TEX15: variants seen among roughly 807,000 people sequenced by gnomAD.
TEX15 encodes the protein testis expressed 15, meiosis and synapsis associated.
TEX15 carries 171 observed loss-of-function variants against 237.3 expected under a neutral mutation model. That is an observed-to-expected ratio of 0.72 (90% CI 0.64 to 0.82). The LOEUF (loss-of-function observed/expected upper bound fraction) is 0.82. TEX15 is among the 40% of genes least tolerant of loss of function. The pLI, the probability that TEX15 is intolerant of heterozygous loss-of-function variation, is 0.00. For missense variants in TEX15, 3,750 were observed against 3,646.5 expected (o/e 1.03, Z -0.73); for synonymous variants, 1,338 against 1,269.8 (o/e 1.05, Z -1.14).
chr8:30,868,070 C>CAT (rs1808211933), intron 4 of TEX15, among the ~76,000 whole-genome samples: 1 of 152,004 alleles, frequency 6.6e-6, no homozygotes, highest in African/African-American at 2.4e-5. Flanking sequence ...AGCGCACACA[C>CAT]ATGCACAAAT....
intron 5 of TEX15, among the ~76,000 whole-genome samples, chr8:30,866,538 T>C (rs942534398): frequency 6.6e-6 from 1 of 152,164 alleles, no homozygotes; most frequent in Middle Eastern, 3.2e-3. Context: ...TCTCATTTTT[T>C]AAAAATTTAA....
At position 30,851,509 on chromosome 8, in the gene TEX15, T is replaced by C. The variant is rs144997726; in HGVS notation, c.851-2193A>G. The stretch of plus-strand genomic sequence containing the variant: ...AGCCAGACGTGGTGGTGTGTGCCTG[T>C]AGTCCCAGGTACTCGGGAGGCTGAG... On this transcript the variant is annotated intron_variant, in intron 7 of 10. Coordinates refer to ENST00000643185, the MANE Select transcript of TEX15 (RefSeq NM_001350162.2). Among the ~76,000 whole-genome samples the C allele has an allele frequency of 1.5e-3, 232 of 151,644 alleles. 3 individuals are homozygous for C. Among genetic ancestry groups the C allele is most frequent in the Admixed American group, 0.01 (160 of 15,246 alleles).
intron 1 of TEX15, among the ~76,000 whole-genome samples, chr8:30,911,283 T>C (rs1809211483): frequency 6.6e-6 from 1 of 152,172 alleles, no homozygotes; most frequent in Non-Finnish European, 1.5e-5. Flanking sequence ...ACACATCAGC[T>C]AATTTTCGTA....
chr8:30,833,399 C>T, intron 10 of TEX15, 76 bp from the exon 11 acceptor site: 1 of 1,164,960 alleles, frequency 8.6e-7, no homozygotes, highest in African/African-American at 1.6e-5. Flanking sequence ...TGGAAAGAAC[C>T]TGAGTTTAAA....
rs1479141203 is a variant in TEX15, at chr8:30,858,740, C to G, written c.778G>C (p.Gly260Arg). 1 of 1,535,640 alleles carries G rather than the reference C, an allele frequency of 6.5e-7. No homozygotes were observed. Among genetic ancestry groups the G allele is most frequent in the South Asian group, 1.2e-5 (1 of 84,018 alleles). ...AGGCGTCCATTATCTACTTTTGAAC[C>G]AAGAAATTTTACTGTTACTACAGCA... ...PYAVVTVKFL[G>R]SKVDNGRLMT... The change falls in exon 7 of 11, where the codon GGT becomes CGT. Residue 260 changes from glycine (G) to arginine (R), a missense_variant. Gly to Arg is a moderately radical substitution (Grantham distance 125). Coordinates refer to ENST00000643185, the MANE Select transcript of TEX15 (RefSeq NM_001350162.2).
Position 30,842,015 on chromosome 8 carries a change from T to C in TEX15, c.8152A>G (p.Lys2718Glu). Residue 2718 changes from lysine (K) to glutamate (E), a missense_variant, in exon 8 of 11, where the codon AAA (lysine) becomes GAA (glutamate). By Grantham distance (56) the Lys-to-Glu change is moderately conservative. Transcript: ENST00000643185. ...TAAAACATACATACCTTTAGCTTTT[T>C]ACAACTGGAAACAGTAGTATCTTGC... is the stretch of plus-strand genomic sequence containing the variant. ...QQQDTTVSSC[K>E]KLKVDMKDVT... 6.3e-7 allele frequency: 1 copy of C among 1,577,168 alleles called. No individual in the cohort carries two copies. The highest frequency in any genetic ancestry group is 8.6e-7 in the Non-Finnish European group (1 of 1,167,242).
At chr8:30,853,136 T>C (rs1388194656) in intron 7 of TEX15, among the ~76,000 whole-genome samples, 1 of 152,316 alleles carries the variant, frequency 6.6e-6, no homozygotes, top group Non-Finnish European at 1.5e-5. Context: ...TAAGCTATAA[T>C]ACATTGCGGA....
At chr8:30,877,167 A>G (rs953449672) in intron 3 of TEX15, among the ~76,000 whole-genome samples, 1 of 152,358 alleles carries the variant, frequency 6.6e-6, no homozygotes, top group Admixed American at 6.5e-5. Context: ...AAGGCAGGGC[A>G]TGGCCTCATT....
chr8:30,840,682 T>C (rs796230875), intron 8 of TEX15, among the ~76,000 whole-genome samples: 15 of 152,344 alleles, frequency 9.8e-5, no homozygotes, highest in South Asian at 4.1e-4. Flanking sequence ...ACAGTACTAC[T>C]ACTTATTACT....
intron 4 of TEX15, among the ~76,000 whole-genome samples, chr8:30,869,066 G>T (rs1257621085): frequency 6.7e-6 from 1 of 150,092 alleles, no homozygotes; most frequent in Non-Finnish European, 1.5e-5. Context: ...TATGTCTTCA[G>T]AACTATATTT....
chr8:30,870,372 C>T (rs1373673117), intron 4 of TEX15, among the ~76,000 whole-genome samples: 3 of 151,928 alleles, frequency 2.0e-5, no homozygotes, highest in Non-Finnish European at 4.4e-5. Flanking sequence ...TAGTTAATTA[C>T]ATCATTTAAA....
rs1807330210 is a variant in TEX15 at position 30,837,393 on chromosome 8, T to C, written c.8891A>G (p.Lys2964Arg). 4 of 1,614,160 alleles carry C rather than the reference T, an allele frequency of 2.5e-6. No homozygotes were observed. Among genetic ancestry groups the C allele is most frequent in the Non-Finnish European group, 3.4e-6 (4 of 1,179,972 alleles). The change falls in exon 10 of 11, where the codon AAA becomes AGA. Residue 2964 changes from lysine to arginine, a missense_variant. Lys to Arg is a conservative substitution (Grantham distance 26, BLOSUM62 2). Transcript: ENST00000643185. Reference protein sequence around the residue: ...LQPTETESEDKYMKDTLNPNT... With the variant: ...LQPTETESEDRYMKDTLNPNT... The stretch of plus-strand genomic sequence containing the variant: ...GGGATTCAATGTATCCTTCATGTAT[T>C]TGTCCTCTGACTCAGTTTCTGTAGG...
In TEX15 at chr8:30,848,232, A is replaced by AT. The variant is rs746910281; in HGVS notation, c.1934dup (p.Asn645LysfsTer2). ...TGATTTTTGTTTCATTAGTGAAATC[A>AT]TTATCAATTTCTTTCCATGAAGTTT... On this transcript the variant is annotated frameshift_variant, in exon 8 of 11. Coordinates refer to ENST00000643185, the MANE Select transcript of TEX15 (RefSeq NM_001350162.2). LOFTEE classifies it high-confidence loss of function. 2 of 1,612,510 alleles carry AT rather than the reference A, an allele frequency of 1.2e-6. No individual in the cohort carries two copies. Among genetic ancestry groups the AT allele is most frequent in the South Asian group, 2.2e-5 (2 of 90,524 alleles).
intron 1 of TEX15, among the ~76,000 whole-genome samples, chr8:30,912,350 C>T (rs1257231906): frequency 1.3e-4 from 19 of 151,802 alleles, no homozygotes; most frequent in Non-Finnish European, 1.9e-4. Context: ...CCCCTCCCCG[C>T]CCCCGCGGAT....
chr8:30,843,191 G>A lies in TEX15; in HGVS notation c.6976C>T (p.Pro2326Ser). ...TCCTCAAGCCCAATAGGGGAAATTG[G>A]TTCATTGTTTAAATCTTTAGACAAA... is the stretch of plus-strand genomic sequence containing the variant. ...DTLSKDLNNE[P>S]ISPIGLEEDT... Residue 2326 changes from proline (P) to serine (S), a missense_variant, in exon 8 of 11, where the codon CCA becomes TCA. Pro to Ser is a moderately conservative substitution (Grantham distance 74). Transcript: ENST00000643185. The A allele has an allele frequency of 3.7e-6, 6 of 1,613,390 alleles. No homozygotes were observed. The highest frequency in any genetic ancestry group is 5.1e-6 in the Non-Finnish European group (6 of 1,179,632).
intron 3 of TEX15, among the ~76,000 whole-genome samples, chr8:30,884,538 A>T (rs1026406226): frequency 1.3e-5 from 2 of 152,170 alleles, no homozygotes; most frequent in Admixed American, 1.3e-4. Flanking sequence ...TTCAGATCAT[A>T]TATTTCTTCT....
At chr8:30,849,847 C>T (rs945907802) in intron 7 of TEX15, among the ~76,000 whole-genome samples, 7 of 150,834 alleles carry the variant, frequency 4.6e-5, no homozygotes, top group South Asian at 4.2e-4. Flanking sequence ...TGCAGCGAGC[C>T]GAGATTGCGC....
intron 7 of TEX15, among the ~76,000 whole-genome samples, chr8:30,850,020 T>C (rs1300053686): frequency 6.6e-6 from 1 of 151,878 alleles, no homozygotes; most frequent in Non-Finnish European, 1.5e-5. Flanking sequence ...AGCATGTACA[T>C]ATAAGAAGGC....
intron 2 of TEX15, among the ~76,000 whole-genome samples, chr8:30,888,238 AT>A (rs1036256788): frequency 1.5e-4 from 23 of 151,826 alleles, no homozygotes; most frequent in Non-Finnish European, 2.8e-4. Context: ...TTTAAAAAGC[AT>A]TTTTTTCCCT....
Sources: allele counts gnomAD v4.1 joint callset (sites outside exome capture counted in the v4.1 genomes callset), GRCh38; gene constraint gnomAD v4.1.1; transcripts MANE v1.5; gene names NCBI Gene and HGNC (gene_info 2026-07-23, HGNC 2026-07-21).